The following REEP1 variants were observed in gnomAD, a reference collection of about 807,000 sequenced individuals.
REEP1 encodes receptor accessory protein 1, also known as receptor expression-enhancing protein 1.
A neutral mutation model predicts 40.3 loss-of-function variants in REEP1; 22 were observed. The observed-to-expected ratio is 0.55, with a 90% CI of 0.39 to 0.78. The LOEUF (loss-of-function observed/expected upper bound fraction) is 0.78, where lower values mean the gene tolerates loss of function less well. Ranked by LOEUF, REEP1 falls within the 30% of genes least tolerant of loss-of-function variation. The pLI, the probability that REEP1 is intolerant of heterozygous loss-of-function variation, is 0.00. For synonymous variants in REEP1, 116 were observed against 139.2 expected, an observed-to-expected ratio of 0.83 and a Z score of 1.17; for missense variants, 280 against 361.1, an observed-to-expected ratio of 0.78 and a Z score of 1.82.
intron 2 of REEP1, among the ~76,000 whole-genome samples, chr2:86,273,929 C>A (rs189828392): frequency 5.9e-5 from 9 of 152,226 alleles, no homozygotes; most frequent in African/African-American, 2.2e-4. Context: ...TCTCTAGTAC[C>A]CAAAACAATT....
At position 86,232,150 on chromosome 2, in the gene REEP1, C is replaced by T. The variant is rs1574004388; in HGVS notation, c.595+475G>A. Among the ~76,000 whole-genome samples, 4 of 152,090 alleles carry T rather than the reference C, an allele frequency of 2.6e-5. No individual in the cohort carries two copies. The South Asian group carries it at 8.3e-4, about 32-fold the overall frequency. ...TGAGAGGTCAGAGATGAGAAGGAGA[C>T]AGCAGAGTGAGAGAGAGGACAGGCA... On this transcript the variant is annotated intron_variant, in intron 6 of 8. Coordinates refer to ENST00000538924, the MANE Select transcript of REEP1 (RefSeq NM_001371279.1).
At chr2:86,310,998 G>C (rs1289015213) in intron 1 of REEP1, among the ~76,000 whole-genome samples, 1 of 152,154 alleles carries the variant, frequency 6.6e-6, no homozygotes, top group Non-Finnish European at 1.5e-5. Flanking sequence ...ATCTACTTCA[G>C]TCTAGAAGGG....
intron 1 of REEP1, among the ~76,000 whole-genome samples, chr2:86,291,816 G>A (rs1332432599): frequency 6.6e-6 from 1 of 152,134 alleles, no homozygotes; most frequent in East Asian, 1.9e-4. Flanking sequence ...TGTCTGTAAT[G>A]TGTGCTGCAA....
chr2:86,278,783 G>T (rs1677902945), intron 2 of REEP1, among the ~76,000 whole-genome samples: 1 of 152,178 alleles, frequency 6.6e-6, no homozygotes, highest in African/African-American at 2.4e-5. Flanking sequence ...ACTTTCCTAT[G>T]GTGTGAGCTG....
At chr2:86,234,862 T>G (rs528578595) in intron 5 of REEP1, among the ~76,000 whole-genome samples, 2 of 152,272 alleles carry the variant, frequency 1.3e-5, no homozygotes, top group African/African-American at 4.8e-5. Flanking sequence ...ATATAACCCC[T>G]TCAAATATAG....
At chr2:86,298,851 G>A (rs1315232908) in intron 1 of REEP1, among the ~76,000 whole-genome samples, 2 of 152,188 alleles carry the variant, frequency 1.3e-5, no homozygotes, top group Admixed American at 6.5e-5. Context: ...ACCAGCAGAT[G>A]GGAATCCTGG....
At chr2:86,298,072 T>G (rs932676569) in intron 1 of REEP1, among the ~76,000 whole-genome samples, 1 of 152,168 alleles carries the variant, frequency 6.6e-6, no homozygotes, top group Non-Finnish European at 1.5e-5. Flanking sequence ...ACTAGCAGTC[T>G]CCAACATTTT....
chr2:86,308,267 AGG>A (rs1313024733), intron 1 of REEP1, among the ~76,000 whole-genome samples: 1 of 152,260 alleles, frequency 6.6e-6, no homozygotes, highest in Non-Finnish European at 1.5e-5. Context: ...TACAGAAAAA[AGG>A]GGGCAAGCAT....
intron 5 of REEP1, among the ~76,000 whole-genome samples, chr2:86,234,870 T>C (rs141224449): frequency 1.3e-5 from 2 of 152,262 alleles, no homozygotes; most frequent in East Asian, 1.9e-4. Context: ...CCTTCAAATA[T>C]AGCAGCCAAT....
At chr2:86,335,994 G>C (rs1194188254) in intron 1 of REEP1, among the ~76,000 whole-genome samples, 1 of 149,912 alleles carries the variant, frequency 6.7e-6, no homozygotes, top group Non-Finnish European at 1.5e-5. Flanking sequence ...AGGACCTACA[G>C]AGAGCCCACC....
intron 5 of REEP1, among the ~76,000 whole-genome samples, chr2:86,236,520 A>C (rs950700341): frequency 2.6e-5 from 4 of 152,086 alleles, no homozygotes; most frequent in African/African-American, 9.7e-5. Flanking sequence ...TCATACTAAA[A>C]GCTCTGAGAA....
chr2:86,223,743 CT>C (rs1674547195), intron 7 of REEP1: 1 of 140,830 alleles, frequency 7.1e-6, no homozygotes, highest in Admixed American at 7.0e-5. Context: ...AATTCTCTCT[CT>C]CTCTCTCTCT....
At chr2:86,319,850 G>A (rs1573046760) in intron 1 of REEP1, among the ~76,000 whole-genome samples, 2 of 152,190 alleles carry the variant, frequency 1.3e-5, no homozygotes, top group East Asian at 3.8e-4. Context: ...CAGGAGAACA[G>A]CATGTGACAA....
chr2:86,306,139 T>C (rs1382495310), intron 1 of REEP1, among the ~76,000 whole-genome samples: 1 of 152,326 alleles, frequency 6.6e-6, no homozygotes, highest in East Asian at 1.9e-4. Flanking sequence ...ATATGGACTA[T>C]TAAATTTTTT....
At chr2:86,228,456 C>CTT (rs5832674) in intron 6 of REEP1, among the ~76,000 whole-genome samples, 4 of 137,792 alleles carry the variant, frequency 2.9e-5, no homozygotes, top group Admixed American at 7.3e-5. Context: ...ATCCCCTTCA[C>CTT]TTTTTTTTTT....
intron 5 of REEP1, among the ~76,000 whole-genome samples, chr2:86,234,992 TA>T (rs1675234731): frequency 6.6e-6 from 1 of 152,236 alleles, no homozygotes; most frequent in Non-Finnish European, 1.5e-5. Flanking sequence ...AATATTCTGC[TA>T]ATTATAAGTG....
intron 1 of REEP1, among the ~76,000 whole-genome samples, chr2:86,316,770 A>T (rs978182300): frequency 6.6e-6 from 1 of 151,816 alleles, no homozygotes; most frequent in African/African-American, 2.4e-5. Flanking sequence ...GAAGCAGGAG[A>T]ATCACTTGAA....
At chr2:86,327,652 C>G (rs1308295440) in intron 1 of REEP1, among the ~76,000 whole-genome samples, 2 of 151,196 alleles carry the variant, frequency 1.3e-5, no homozygotes, top group African/African-American at 4.9e-5. Context: ...ACTGCAAGCT[C>G]TGCCTCCCAG....
intron 3 of REEP1, among the ~76,000 whole-genome samples, chr2:86,262,437 A>G (rs1676917591): frequency 6.6e-6 from 1 of 152,254 alleles, no homozygotes. Flanking sequence ...AGGCACAAGC[A>G]TATTGAATTA....
Sources: gnomAD v4.1 joint callset for allele counts (sites outside exome capture counted in the v4.1 genomes callset) on GRCh38, gnomAD v4.1.1 for gene constraint, MANE v1.5 for transcripts, NCBI Gene and HGNC (gene_info 2026-07-23, HGNC 2026-07-21) for gene names.